Variants in SMYD3 observed in about 807,000 individuals in gnomAD.
The protein encoded by SMYD3 is histone-lysine N-methyltransferase SMYD3.
SMYD3 carries 36 observed loss-of-function variants against 57.7 expected under a neutral mutation model. That is an observed-to-expected ratio of 0.62 (90% CI 0.48 to 0.82). The LOEUF (loss-of-function observed/expected upper bound fraction) is 0.82, where lower values mean the gene tolerates loss of function less well. Ranked by LOEUF, SMYD3 falls within the 40% of genes least tolerant of loss-of-function variation. The pLI, the probability that SMYD3 is intolerant of heterozygous loss-of-function variation, is 0.00. For synonymous variants in SMYD3, 211 were observed against 195.0 expected (o/e 1.08, Z -0.68); for missense variants, 515 against 538.8 (o/e 0.96, Z 0.44).
intron 1 of SMYD3, among the ~76,000 whole-genome samples, chr1:246,497,853 G>C (rs1156815044): frequency 6.6e-6 from 1 of 150,882 alleles, no homozygotes; most frequent in African/African-American, 2.4e-5. Flanking sequence ...GTAACACAGG[G>C]AGACCCCAGT....
At chr1:246,031,121 ATAGAC>A (rs1223587699) in intron 5 of SMYD3, among the ~76,000 whole-genome samples, 3 of 152,288 alleles carry the variant, frequency 2.0e-5, no homozygotes, top group Admixed American at 1.3e-4. Context: ...AGTGAGGGCT[ATAGAC>A]TAGACCTTTT....
intron 5 of SMYD3, among the ~76,000 whole-genome samples, chr1:246,272,179 T>G (rs1167821228): frequency 6.6e-6 from 1 of 152,242 alleles, no homozygotes; most frequent in Admixed American, 6.5e-5. Context: ...GATAGTTTTT[T>G]GTGGGATCTT....
At chr1:245,940,522 A>C (rs2057191067) in intron 5 of SMYD3, among the ~76,000 whole-genome samples, 1 of 152,156 alleles carries the variant, frequency 6.6e-6, no homozygotes, top group African/African-American at 2.4e-5. Context: ...GAATGGACTC[A>C]GCAAACCACA....
rs1558551322 is a variant in SMYD3, at chr1:245,977,025, A to AGCCTAGGGAAAGCCATCGTCTCCG, written c.532-47089_532-47088insCGGAGACGATGGCTTTCCCTAGGC. ...TAGCCCAGGGAAAGCCATCGTCTCT[A>AGCCTAGGGAAAGCCATCGTCTCCG]GCCCAGGGAAAGCCATCGTCTCCGG... On this transcript the variant is annotated intron_variant, in intron 5 of 11. Transcript: ENST00000490107. Among the ~76,000 whole-genome samples the AGCCTAGGGAAAGCCATCGTCTCCG allele has an allele frequency of 2.6e-4, 8 of 30,862 alleles. 1 individual carries two copies. Among genetic ancestry groups the AGCCTAGGGAAAGCCATCGTCTCCG allele is most frequent in the African/African-American group, 8.5e-4 (6 of 7,048 alleles). 20.2% of individuals were successfully genotyped at this position (30,862 alleles called of 152,430 possible). A position where few individuals can be genotyped will look rare whatever the true frequency, so the allele number is the denominator to read the frequency against.
intron 5 of SMYD3, among the ~76,000 whole-genome samples, chr1:246,021,155 T>C (rs2059464528): frequency 6.6e-6 from 1 of 152,194 alleles, no homozygotes; most frequent in African/African-American, 2.4e-5. Flanking sequence ...GAAGTGTATC[T>C]CTCAGTCTCT....
chr1:245,808,857 G>A (rs115860845), intron 10 of SMYD3, among the ~76,000 whole-genome samples: 1 of 152,042 alleles, frequency 6.6e-6, no homozygotes, highest in Admixed American at 6.6e-5. Context: ...CTACCTCCTG[G>A]GTTCAAGCGA....
At chr1:246,244,316 C>T (rs960970463) in intron 5 of SMYD3, among the ~76,000 whole-genome samples, 1 of 152,008 alleles carries the variant, frequency 6.6e-6, no homozygotes, top group Non-Finnish European at 1.5e-5. Flanking sequence ...GCTATTTGCA[C>T]ATCAGACTTT....
intron 5 of SMYD3, among the ~76,000 whole-genome samples, chr1:245,935,278 T>C (rs904781762): frequency 3.3e-5 from 5 of 152,118 alleles, no homozygotes; most frequent in African/African-American, 1.2e-4. Context: ...AGAAGACATA[T>C]AAATGGTCAA....
intron 5 of SMYD3, among the ~76,000 whole-genome samples, chr1:246,197,298 C>T (rs12082833): frequency 0.044 from 6,718 of 152,176 alleles, 509 homozygotes; most frequent in African/African-American, 0.15. Flanking sequence ...GTGACGAGGA[C>T]AGTGTGGAAG....
chr1:246,439,457 C>G (rs1215070515), intron 1 of SMYD3, among the ~76,000 whole-genome samples: 1 of 152,136 alleles, frequency 6.6e-6, no homozygotes, highest in African/African-American at 2.4e-5. Context: ...TTTTTTAGAA[C>G]AGAAGCAGCA....
intron 5 of SMYD3, among the ~76,000 whole-genome samples, chr1:245,963,737 C>G (rs1307801237): frequency 6.6e-6 from 1 of 152,138 alleles, no homozygotes; most frequent in Non-Finnish European, 1.5e-5. Context: ...AGAAACTAAC[C>G]AGACCCTAAC....
intron 5 of SMYD3, among the ~76,000 whole-genome samples, chr1:246,112,903 G>A (rs1317135330): frequency 2.6e-5 from 4 of 152,046 alleles, no homozygotes; most frequent in African/African-American, 4.8e-5. Flanking sequence ...AAATTTAGGC[G>A]GGGCACAGTG....
intron 5 of SMYD3, among the ~76,000 whole-genome samples, chr1:245,941,996 A>T (rs2057262899): frequency 6.6e-6 from 1 of 152,240 alleles, no homozygotes. Context: ...TAAGGAAAGG[A>T]AAAACTGTTA....
At chr1:245,883,948 T>G (rs569296670) in intron 8 of SMYD3, among the ~76,000 whole-genome samples, 9 of 152,154 alleles carry the variant, frequency 5.9e-5, no homozygotes, top group Non-Finnish European at 1.0e-4. Flanking sequence ...AGTTTCATGA[T>G]TTTTTTTCCT....
intron 1 of SMYD3, among the ~76,000 whole-genome samples, chr1:246,406,043 C>T (rs367562865): frequency 1.3e-5 from 2 of 151,804 alleles, no homozygotes; most frequent in African/African-American, 4.8e-5. Flanking sequence ...ATCGCTGCAA[C>T]AGTCTGTTAA....
chr1:246,340,150 A>G (rs953453301), intron 2 of SMYD3, among the ~76,000 whole-genome samples: 5 of 152,216 alleles, frequency 3.3e-5, no homozygotes, highest in Non-Finnish European at 7.3e-5. Context: ...CTATTGTTCT[A>G]TAGAAATAAA....
chr1:246,088,563 T>TGG (rs765168277), intron 5 of SMYD3, among the ~76,000 whole-genome samples: 10,760 of 138,506 alleles, frequency 0.078, 656 homozygotes, highest in African/African-American at 0.13. Flanking sequence ...TGAGCCGAGA[T>TGG]CATGCCACTG....
intron 2 of SMYD3, among the ~76,000 whole-genome samples, chr1:246,342,242 A>G (rs1182191040): frequency 1.3e-5 from 2 of 152,190 alleles, no homozygotes; most frequent in Non-Finnish European, 1.5e-5. Context: ...GAAATATCAC[A>G]GTGATTTTTT....
At chr1:246,378,697 C>A (rs1439644733) in intron 1 of SMYD3, among the ~76,000 whole-genome samples, 1 of 63,984 alleles carries the variant, frequency 1.6e-5, no homozygotes, top group African/African-American at 6.7e-5. Context: ...ACTTAATAAA[C>A]TCCCCTTTAT....
Sources: allele counts gnomAD v4.1 joint callset (sites outside exome capture counted in the v4.1 genomes callset), GRCh38; gene constraint gnomAD v4.1.1; transcripts MANE v1.5; gene names NCBI Gene and HGNC (gene_info 2026-07-23, HGNC 2026-07-21).